Variants in TADA2A observed in about 807,000 individuals in gnomAD.
The protein encoded by TADA2A is transcriptional adaptor 2A, also known as transcriptional adapter 2-alpha.
Under a neutral mutation model 67.4 loss-of-function variants are expected in TADA2A, and 38 were observed. The observed-to-expected ratio is 0.56, with a 90% confidence interval of 0.44 to 0.74. TADA2A has a LOEUF of 0.74. Ranked by LOEUF, TADA2A falls within the 30% of genes least tolerant of loss-of-function variation. The pLI is 0.00. For synonymous variants in TADA2A, 192 were observed against 181.6 expected (o/e 1.06, Z -0.46); for missense variants, 454 against 547.0 (o/e 0.83, Z 1.70).
chr17:37,470,651 A>C, intron 13 of TADA2A, 119 bp downstream of exon 13: 1 of 1,171,968 alleles, frequency 8.5e-7, no homozygotes, highest in Non-Finnish European at 1.1e-6. Flanking sequence ...AAGAATTCAG[A>C]AATATTTTAG....
rs1184294769 is a variant in TADA2A at position 37,465,427 on chromosome 17, G to A, written c.713-4G>A. 1.2e-6 allele frequency: 2 copies of A among 1,606,512 alleles called. No homozygotes were observed. Among genetic ancestry groups the A allele is most frequent in the Non-Finnish European group, 8.5e-7 (1 of 1,174,894 alleles). On this transcript the variant is annotated splice_polypyrimidine_tract_variant and splice_region_variant and intron_variant, in intron 10 of 15. Coordinates refer to ENST00000615182, the MANE Select transcript of TADA2A (RefSeq NM_001166105.3). ...GACACATTTATGTTTTATTTTCTCT[G>A]TAGTAATGGAACGGCGGTATCCCAA...
rs971177234 is a variant in TADA2A at position 37,443,501 on chromosome 17, G to A, written c.531+849G>A. On this transcript the variant is annotated intron_variant, in intron 7 of 15. Transcript: ENST00000615182. ...ACTCCTGACCTCAGGCAATCCACCA[G>A]CCTCGGCCTCCCAAAGTGCTAGGAT... is the stretch of plus-strand genomic sequence containing the variant. Among the ~76,000 whole-genome samples, 9 of 152,066 alleles carry A rather than the reference G, an allele frequency of 5.9e-5. No homozygotes were observed. In the East Asian group the frequency reaches 1.5e-3, roughly 26 times the overall value.
At chr17:37,414,381 C>G (rs550513201) in intron 2 of TADA2A, among the ~76,000 whole-genome samples, 1 of 151,848 alleles carries the variant, frequency 6.6e-6, no homozygotes, top group Admixed American at 6.6e-5. Flanking sequence ...TTTAGCATCT[C>G]CGTCCTTTTT....
intron 7 of TADA2A, among the ~76,000 whole-genome samples, chr17:37,442,943 G>T: frequency 6.6e-6 from 1 of 152,166 alleles, no homozygotes; most frequent in South Asian, 2.1e-4. Context: ...ATGGAGGATC[G>T]CTTGAGTCCA....
intron 4 of TADA2A, among the ~76,000 whole-genome samples, chr17:37,428,097 G>A (rs1312516085): frequency 6.6e-6 from 1 of 152,170 alleles, no homozygotes; most frequent in Non-Finnish European, 1.5e-5. Flanking sequence ...TACAGGAAAG[G>A]ATCCTGGCAG....
chr17:37,433,296 C>A (rs552535436), intron 4 of TADA2A, among the ~76,000 whole-genome samples: 2 of 152,044 alleles, frequency 1.3e-5, no homozygotes, highest in East Asian at 3.9e-4. Context: ...TAGAGAGTTC[C>A]CATCTATCCT....
At chr17:37,426,685 A>C (rs2052418359) in intron 3 of TADA2A, 2 of 240,030 alleles carry the variant, frequency 8.3e-6, no homozygotes, top group South Asian at 1.3e-4. Context: ...AAAAAAAAAA[A>C]AAAACTTGTC....
Position 37,473,617 on chromosome 17 carries a change from T to C in TADA2A, c.1073-939T>C, listed in dbSNP as rs190986141. ...CATTTTCTTTGCTTAACTCAGTCTA[T>C]CCATTCCCAGCTGAATACCAATCCC... On this transcript the variant is annotated intron_variant, in intron 14 of 15. Coordinates refer to ENST00000615182, the MANE Select transcript of TADA2A (RefSeq NM_001166105.3). Among the ~76,000 whole-genome samples, 17 of 152,270 alleles carry C rather than the reference T, an allele frequency of 1.1e-4. No individual in the cohort carries two copies. In the East Asian group the frequency reaches 3.1e-3, roughly 28 times the overall value.
At chr17:37,458,467 A>G in intron 8 of TADA2A, 57 bp from the exon 9 acceptor site, 1 of 1,136,638 alleles carries the variant, frequency 8.8e-7, no homozygotes, top group Non-Finnish European at 1.1e-6. Flanking sequence ...GGTTTTATTT[A>G]TTTATATAAT....
At chr17:37,445,914 C>G (rs562250921) in intron 8 of TADA2A, among the ~76,000 whole-genome samples, 280 of 152,140 alleles carry the variant, frequency 1.8e-3, no homozygotes, top group Non-Finnish European at 3.3e-3. Flanking sequence ...AATTATAAAT[C>G]AAGTTTTCAT....
chr17:37,477,182 C>T lies in TADA2A; in HGVS notation c.*200C>T. Reference sequence around the variant, plus strand: ...AAACACTCCTGTTGTTGGTATTATGCTGCAGAGTTGTGTGCTACATAAGCT... The same window carrying T: ...AAACACTCCTGTTGTTGGTATTATGTTGCAGAGTTGTGTGCTACATAAGCT... On this transcript the variant is annotated 3_prime_UTR_variant, in exon 16 of 16. Coordinates refer to ENST00000615182, the MANE Select transcript of TADA2A (RefSeq NM_001166105.3). The T allele has an allele frequency of 1.8e-6, 1 of 543,642 alleles. No homozygotes were observed. The highest frequency in any genetic ancestry group is 3.2e-6 in the Non-Finnish European group (1 of 315,368). The allele number at this position is 543,642 out of a possible 1,614,324, so 33.7% of individuals were successfully genotyped here.
intron 2 of TADA2A, among the ~76,000 whole-genome samples, chr17:37,420,841 C>T (rs1218691553): frequency 6.8e-6 from 1 of 146,730 alleles, no homozygotes; most frequent in East Asian, 2.1e-4. Context: ...AAATTAAATT[C>T]CTTCATCTAC....
At chr17:37,446,883 C>T (rs2053098371) in intron 8 of TADA2A, among the ~76,000 whole-genome samples, 1 of 152,110 alleles carries the variant, frequency 6.6e-6, no homozygotes, top group Non-Finnish European at 1.5e-5. Context: ...TTCTGGTTCA[C>T]TTGGGGTCCT....
chr17:37,459,997 C>T lies in TADA2A; in HGVS notation c.668+1410C>T, dbSNP rs182671171. Among the ~76,000 whole-genome samples, 1,316 of 150,714 alleles carry T rather than the reference C, an allele frequency of 8.7e-3. 20 individuals are homozygous for T. Among genetic ancestry groups the T allele is most frequent in the African/African-American group, 0.031 (1,265 of 41,118 alleles). On this transcript the variant is annotated intron_variant, in intron 9 of 15. Coordinates refer to ENST00000615182, the MANE Select transcript of TADA2A (RefSeq NM_001166105.3). ...AGGAGAATTGCTTGAACCTGGGAGA[C>T]GGAGGTTGCAGTGAGCCAAGATCAC... is the stretch of plus-strand genomic sequence containing the variant.
Position 37,470,544 on chromosome 17 carries a change from C to T in TADA2A, c.1028+12C>T. On this transcript the variant is annotated intron_variant, in intron 13 of 15. Coordinates refer to ENST00000615182, the MANE Select transcript of TADA2A (RefSeq NM_001166105.3). ...CGGCAAGCTGACATGTGAGTAATTACTCCAGGGTGAAGGAGGCATTCTTTC... is the reference window on the plus strand; with the variant it reads ...CGGCAAGCTGACATGTGAGTAATTATTCCAGGGTGAAGGAGGCATTCTTTC... 6.5e-7 allele frequency: 1 copy of T among 1,534,984 alleles called. No homozygotes were observed. Among genetic ancestry groups the T allele is most frequent in the African/African-American group, 1.4e-5 (1 of 71,086 alleles).
intron 1 of TADA2A, among the ~76,000 whole-genome samples, chr17:37,410,515 GTTGTAA>G (rs1256464937): frequency 6.6e-6 from 1 of 151,996 alleles, no homozygotes; most frequent in Non-Finnish European, 1.5e-5. Flanking sequence ...ACAAATGTAT[GTTGTAA>G]TAGATAGGAT....
intron 2 of TADA2A, among the ~76,000 whole-genome samples, chr17:37,412,088 G>C (rs1323744244): frequency 6.6e-6 from 1 of 151,914 alleles, no homozygotes; most frequent in South Asian, 2.1e-4. Context: ...GCAGGCGCCT[G>C]TAGTCCCAGC....
intron 4 of TADA2A, among the ~76,000 whole-genome samples, chr17:37,429,629 A>G (rs2052513976): frequency 6.6e-6 from 1 of 152,046 alleles, no homozygotes; most frequent in African/African-American, 2.4e-5. Context: ...CAGTATATTT[A>G]CTTCAGTCTC....
intron 15 of TADA2A, among the ~76,000 whole-genome samples, chr17:37,475,037 A>G (rs886458694): frequency 5.3e-5 from 8 of 152,216 alleles, no homozygotes; most frequent in Admixed American, 2.6e-4. Context: ...ACTTATTCCA[A>G]CAACATAATC....
Sources: gnomAD v4.1 joint callset for allele counts (sites outside exome capture counted in the v4.1 genomes callset) on GRCh38, gnomAD v4.1.1 for gene constraint, MANE v1.5 for transcripts, NCBI Gene and HGNC (gene_info 2026-07-23, HGNC 2026-07-21) for gene names.